The following SLC47A1 variants were observed in gnomAD, a reference collection of about 807,000 sequenced individuals.
SLC47A1 encodes multidrug and toxin extrusion protein 1.
Under a neutral mutation model 65.8 loss-of-function variants are expected in SLC47A1, and 58 were observed. The ratio of observed to expected loss-of-function variants is 0.88; its 90% CI spans 0.71 to 1.10. The LOEUF (loss-of-function observed/expected upper bound fraction) is 1.10, where lower values mean the gene tolerates loss of function less well. Ranked by LOEUF, SLC47A1 falls within the 50% of genes least tolerant of loss-of-function variation. SLC47A1 has a pLI of 0.00. For synonymous variants in SLC47A1, 285 were observed against 295.0 expected (o/e 0.97, Z 0.35); for missense variants, 706 against 719.2 (o/e 0.98, Z 0.21).
rs1456129474 is a variant in SLC47A1, at chr17:19,548,145, C to A, written c.455+12C>A. The A allele has an allele frequency of 5.0e-6, 8 of 1,604,446 alleles. No homozygotes were observed. Reference sequence around the variant, plus strand: ...CCAGATGTGTCCAGGTAAGATGGAACCTGTCGCAGCGGGACTTGGCGTCCA... The same window carrying A: ...CCAGATGTGTCCAGGTAAGATGGAAACTGTCGCAGCGGGACTTGGCGTCCA... On this transcript the variant is annotated intron_variant, in intron 4 of 16. Transcript: ENST00000270570.
intron 2 of SLC47A1, among the ~76,000 whole-genome samples, chr17:19,543,521 C>G (rs116350448): frequency 6.6e-6 from 1 of 152,196 alleles, no homozygotes; most frequent in Non-Finnish European, 1.5e-5. Flanking sequence ...GGAACTGACT[C>G]CCCCCCATGC....
chr17:19,542,821 T>G (rs1390769679), intron 2 of SLC47A1, among the ~76,000 whole-genome samples: 2 of 150,110 alleles, frequency 1.3e-5, no homozygotes, highest in African/African-American at 2.5e-5. Flanking sequence ...AGATGAAGTC[T>G]CGCGCTGTTA....
At chr17:19,543,466 G>C (rs1343731301) in intron 2 of SLC47A1, among the ~76,000 whole-genome samples, 1 of 152,054 alleles carries the variant, frequency 6.6e-6, no homozygotes, top group African/African-American at 2.4e-5. Context: ...CCCACAGTTG[G>C]GGGAGGGGAA....
intron 1 of SLC47A1, chr17:19,534,331 T>G: frequency 7.2e-6 from 3 of 417,250 alleles, no homozygotes; most frequent in Admixed American, 4.7e-5. Context: ...CGGGCGCATG[T>G]TGGCTCGGAG....
At chr17:19,538,048 C>T (rs1916041189) in intron 1 of SLC47A1, among the ~76,000 whole-genome samples, 2 of 152,208 alleles carry the variant, frequency 1.3e-5, no homozygotes, top group Admixed American at 1.3e-4. Context: ...TTTCCCTATT[C>T]CACAGATGCT....
At chr17:19,547,532 T>G (rs1284204239) in intron 3 of SLC47A1, among the ~76,000 whole-genome samples, 1 of 151,668 alleles carries the variant, frequency 6.6e-6, no homozygotes, top group Non-Finnish European at 1.5e-5. Flanking sequence ...AATATAATTT[T>G]TTTTTAAAAA....
chr17:19,553,699 G>A lies in SLC47A1; in HGVS notation c.544-1513G>A, dbSNP rs750490105. On this transcript the variant is annotated intron_variant, in intron 6 of 16. Transcript: ENST00000270570. ...TGGGACTACAGGCGCGTGCCACCAC[G>A]CCCAGCTAGTTTTTGTATTTTTAGT... Among the ~76,000 whole-genome samples, 18 of 151,938 alleles carry A rather than the reference G, an allele frequency of 1.2e-4. No individual in the cohort carries two copies. In the East Asian group the frequency reaches 1.5e-3, roughly 13 times the overall value.
chr17:19,577,601 A>G lies in SLC47A1; in HGVS notation c.*48A>G, dbSNP rs761324268. The G allele has an allele frequency of 3.1e-6, 5 of 1,608,880 alleles. No homozygotes were observed. In the South Asian group the frequency reaches 3.3e-5, roughly 11 times the overall value. ...TCAAGTGATGCTTTTGAGCTTACAC[A>G]CAATTCACAGGCCCACCAGTGACAA... On this transcript the variant is annotated 3_prime_UTR_variant, in exon 17 of 17. Coordinates refer to ENST00000270570, the MANE Select transcript of SLC47A1 (RefSeq NM_018242.3).
chr17:19,534,253 C>T (rs1915928815), intron 1 of SLC47A1, 179 bp downstream of exon 1: 14 of 738,846 alleles, frequency 1.9e-5, no homozygotes, highest in Non-Finnish European at 2.8e-5. Flanking sequence ...TGCGTCCCGG[C>T]CGCTTTCCGC....
intron 16 of SLC47A1, among the ~76,000 whole-genome samples, chr17:19,576,795 A>C (rs2084443813): frequency 6.6e-6 from 1 of 151,346 alleles, no homozygotes. Flanking sequence ...GCTAGAGTGC[A>C]ATGGCACCAT....
chr17:19,564,009 TAGAC>T (rs1757422187), intron 12 of SLC47A1, among the ~76,000 whole-genome samples: 1 of 150,168 alleles, frequency 6.7e-6, no homozygotes, highest in African/African-American at 2.5e-5. Flanking sequence ...AAAATGTTAT[TAGAC>T]AGAATTTAGC....
intron 5 of SLC47A1, among the ~76,000 whole-genome samples, chr17:19,550,989 G>A (rs1395097672): frequency 6.6e-6 from 1 of 152,122 alleles, no homozygotes; most frequent in East Asian, 1.9e-4. Flanking sequence ...ACGGATCTAG[G>A]GACACCATTT....
intron 2 of SLC47A1, among the ~76,000 whole-genome samples, chr17:19,546,048 C>T (rs557426172): frequency 3.9e-5 from 6 of 152,122 alleles, no homozygotes; most frequent in African/African-American, 7.2e-5. Flanking sequence ...GGTGAAACCC[C>T]GTCTTTACTA....
rs754857969 is a variant in SLC47A1, at chr17:19,542,417, C to T, written c.160C>T (p.Leu54=). The change falls in exon 2 of 17, where the codon CTG becomes TTG. Residue 54 remains leucine, a synonymous_variant. Coordinates refer to ENST00000270570, the MANE Select transcript of SLC47A1 (RefSeq NM_018242.3). ...GTTCTTGGTTCAGCTGATGGTGTTC[C>T]TGATCAGCTTCATAAGCTCCGTGTT... ...PAFLVQLMVF[L]ISFISSVFCG... The T allele has an allele frequency of 3.1e-6, 5 of 1,610,322 alleles. No individual in the cohort carries two copies. The highest frequency in any genetic ancestry group is 3.4e-6 in the Non-Finnish European group (4 of 1,178,560).
rs577039261 is a variant in SLC47A1, at chr17:19,577,984, T to A, written c.*431T>A. 6 of 1,284,392 alleles carry A rather than the reference T, an allele frequency of 4.7e-6. No individual in the cohort carries two copies. Among genetic ancestry groups the A allele is most frequent in the Admixed American group, 2.3e-5 (1 of 43,266 alleles). 79.6% of individuals were successfully genotyped at this position (1,284,392 alleles called of 1,614,324 possible). On this transcript the variant is annotated 3_prime_UTR_variant, in exon 17 of 17. Transcript: ENST00000270570. ...TGGGCAAATGGTATTTGTTTTTGTT[T>A]TAATTTTTTTTTTAATAGACGGAAG...
intron 12 of SLC47A1, among the ~76,000 whole-genome samples, chr17:19,564,290 G>T (rs931264838): frequency 3.3e-5 from 5 of 152,016 alleles, no homozygotes; most frequent in Non-Finnish European, 5.9e-5. Context: ...GGTTGAGGCT[G>T]CAGTGAGCCA....
chr17:19,563,545 A>G (rs1480377548), intron 12 of SLC47A1, among the ~76,000 whole-genome samples: 1 of 152,206 alleles, frequency 6.6e-6, no homozygotes, highest in Non-Finnish European at 1.5e-5. Flanking sequence ...AGAAAATTTC[A>G]GAGCACAGGA....
rs1346934946 is a variant in SLC47A1 at position 19,556,050 on chromosome 17, CATT to C, written c.910_912del (p.Ile304del). 3 of 1,613,898 alleles carry C rather than the reference CATT, an allele frequency of 1.9e-6. No homozygotes were observed. The highest frequency in any genetic ancestry group is 1.3e-5 in the African/African-American group (1 of 74,932). On this transcript the variant is annotated inframe_deletion, in exon 10 of 17. Coordinates refer to ENST00000270570, the MANE Select transcript of SLC47A1 (RefSeq NM_018242.3). The stretch of plus-strand genomic sequence containing the variant: ...AGTCCATCGTGTATGAACTGGCCAT[CATT>C]GTGTACATGGTAAGCAGGGGAGCCG...
chr17:19,549,681 A>G lies in SLC47A1; in HGVS notation c.498+4A>G. 6.2e-7 allele frequency: 1 copy of G among 1,614,164 alleles called. No individual in the cohort carries two copies. The highest frequency in any genetic ancestry group is 1.1e-5 in the South Asian group (1 of 91,072). ...GATCTTCATTCCAGCTCTTCCTGTA[A>G]GTGCTCAAGGGCTAAGAGATTCCCT... On this transcript the variant is annotated splice_donor_region_variant and intron_variant, in intron 5 of 16. Transcript: ENST00000270570.
Sources: gnomAD v4.1 joint callset for allele counts (sites outside exome capture counted in the v4.1 genomes callset) on GRCh38, gnomAD v4.1.1 for gene constraint, MANE v1.5 for transcripts, NCBI Gene and HGNC (gene_info 2026-07-23, HGNC 2026-07-21) for gene names.